NPAS2: variants seen among roughly 807,000 people sequenced by gnomAD.
The protein encoded by NPAS2 is neuronal PAS domain-containing protein 2.
In NPAS2, 23 loss-of-function variants were observed where a neutral mutation model predicts 107.5. The observed-to-expected ratio is 0.21, with a 90% CI of 0.15 to 0.30. NPAS2 has a LOEUF of 0.30. NPAS2 is among the 10% of genes least tolerant of loss of function. The probability of loss-of-function intolerance (pLI) is 1.00; values close to 1 mark genes in which losing one functional copy is unlikely to be tolerated. For synonymous variants in NPAS2, 403 were observed against 417.5 expected (o/e 0.97, Z 0.42); for missense variants, 756 against 1,043.3 (o/e 0.72, Z 3.79).
chr2:100,917,534 AT>A (rs892994269), intron 2 of NPAS2, among the ~76,000 whole-genome samples: 5 of 152,202 alleles, frequency 3.3e-5, no homozygotes, highest in African/African-American at 7.2e-5. Flanking sequence ...ATCTAAAAAA[AT>A]AATAAAAATA....
intron 17 of NPAS2, 87 bp downstream of exon 17, chr2:100,988,363 A>T: frequency 8.6e-7 from 1 of 1,163,832 alleles, no homozygotes; most frequent in African/African-American, 1.5e-5. Flanking sequence ...CCTGCAGCCT[A>T]CGTGAACTGA....
At chr2:100,935,237 C>T (rs1684223197) in intron 4 of NPAS2, 1 of 261,426 alleles carries the variant, frequency 3.8e-6, no homozygotes, top group African/African-American at 2.3e-5. Flanking sequence ...TGTGGAATTT[C>T]TGAATTTTAA....
Position 100,939,807 on chromosome 2 carries a change from A to G in NPAS2, c.363+1965A>G, listed in dbSNP as rs867122479. ...CGTGGCAGACGGGACTTAGAAAGTA[A>G]GAGGGAAATTCTTCTGACTTGAAAT... is the stretch of plus-strand genomic sequence containing the variant. On this transcript the variant is annotated intron_variant, in intron 5 of 20. Coordinates refer to ENST00000335681, the MANE Select transcript of NPAS2 (RefSeq NM_002518.4). 5.9e-5 allele frequency among the ~76,000 whole-genome samples: 9 copies of G among 152,318 alleles called. No homozygotes were observed. In the South Asian group the frequency reaches 1.2e-3, roughly 21 times the overall value.
intron 15 of NPAS2, among the ~76,000 whole-genome samples, chr2:100,980,296 A>G (rs1677356493): frequency 6.6e-6 from 1 of 152,190 alleles, no homozygotes; most frequent in Non-Finnish European, 1.5e-5. Context: ...CCGACTTCGT[A>G]GAACCTGCCA....
chr2:100,885,548 C>G (rs879762022), intron 1 of NPAS2, among the ~76,000 whole-genome samples: 45 of 152,216 alleles, frequency 3.0e-4, no homozygotes, highest in African/African-American at 9.6e-4. Context: ...TTGAAAACTT[C>G]GTGCTTTATT....
intron 11 of NPAS2, chr2:100,970,469 T>A (rs2105190961): frequency 6.5e-6 from 1 of 152,768 alleles, no homozygotes; most frequent in South Asian, 2.1e-4. Context: ...TGTGTTGAGT[T>A]GATTTACCCA....
At chr2:100,933,149 CCTG>C (rs1175247622) in intron 4 of NPAS2, 148 bp downstream of exon 4, 1 of 609,840 alleles carries the variant, frequency 1.6e-6, no homozygotes, top group Non-Finnish European at 2.9e-6. Flanking sequence ...AGGCTCTCTG[CCTG>C]CTGTTGCCTA....
At chr2:100,914,602 T>A (rs1338478702) in intron 2 of NPAS2, among the ~76,000 whole-genome samples, 1 of 152,202 alleles carries the variant, frequency 6.6e-6, no homozygotes, top group African/African-American at 2.4e-5. Context: ...CAAGAGTCTC[T>A]TATAATTACA....
At chr2:100,870,799 C>T (rs1366518390) in intron 1 of NPAS2, among the ~76,000 whole-genome samples, 1 of 152,216 alleles carries the variant, frequency 6.6e-6, no homozygotes, top group African/African-American at 2.4e-5. Flanking sequence ...GTGTGAGGGG[C>T]TGTGCATGTA....
At chr2:100,972,010 C>T (rs559345843) in intron 12 of NPAS2, among the ~76,000 whole-genome samples, 17 of 150,316 alleles carry the variant, frequency 1.1e-4, no homozygotes, top group African/African-American at 3.4e-4. Context: ...GGTGCAATCT[C>T]GATCTCGGCT....
intron 1 of NPAS2, among the ~76,000 whole-genome samples, chr2:100,892,451 G>T (rs573616642): frequency 4.6e-5 from 7 of 151,808 alleles, no homozygotes; most frequent in African/African-American, 7.3e-5. Context: ...TAGCGTTTGC[G>T]TATGGTCACG....
intron 1 of NPAS2, among the ~76,000 whole-genome samples, chr2:100,852,528 G>A (rs1187943593): frequency 1.3e-5 from 2 of 152,214 alleles, no homozygotes; most frequent in African/African-American, 2.4e-5. Context: ...TTTTACAGAT[G>A]TTTGCATCTG....
intron 3 of NPAS2, among the ~76,000 whole-genome samples, chr2:100,928,197 A>C (rs1334680702): frequency 6.6e-6 from 1 of 152,084 alleles, no homozygotes; most frequent in East Asian, 1.9e-4. Context: ...AGAACATGTT[A>C]ATTGCTTTTG....
In NPAS2 at chr2:100,953,022, A is replaced by G. The variant is rs75789264; in HGVS notation, c.598+3542A>G. On this transcript the variant is annotated intron_variant, in intron 7 of 20. Transcript: ENST00000335681. The stretch of plus-strand genomic sequence containing the variant: ...CATGTAACTGTGGAGTACGTGAAAT[A>G]TCATTCTAACTGGGATTAAAATAGC... Among the ~76,000 whole-genome samples the G allele has an allele frequency of 6.6e-3, 1,002 of 150,934 alleles. 40 individuals carry two copies. The highest frequency in any genetic ancestry group is 0.023 in the African/African-American group (922 of 40,888).
intron 2 of NPAS2, among the ~76,000 whole-genome samples, chr2:100,910,523 C>CT (rs5832943): frequency 0.38 from 51,944 of 138,340 alleles, 10,238 homozygotes; most frequent in Non-Finnish European, 0.46. Flanking sequence ...ATGACATCTT[C>CT]TTTTTTTTTT....
chr2:100,970,821 A>C, intron 11 of NPAS2, 169 bp from the exon 12 acceptor site: 1 of 518,880 alleles, frequency 1.9e-6, no homozygotes. Flanking sequence ...AAGGCAGAGA[A>C]CGACGCTCAT....
chr2:100,888,623 T>C (rs1226148952), intron 1 of NPAS2, among the ~76,000 whole-genome samples: 1 of 152,094 alleles, frequency 6.6e-6, no homozygotes, highest in East Asian at 1.9e-4. Flanking sequence ...TCTGTTAGAG[T>C]TGTTCAGGGG....
Position 100,820,998 on chromosome 2 carries a change from C to A in NPAS2, c.-23+584C>A, listed in dbSNP as rs774942265. Reference sequence around the variant, plus strand: ...GCTCCTCACGTCGCTGCCGCCCCCCCACCCCAACTCCGGAGCTCCCCAGGT... The same window carrying A: ...GCTCCTCACGTCGCTGCCGCCCCCCAACCCCAACTCCGGAGCTCCCCAGGT... On this transcript the variant is annotated intron_variant, in intron 1 of 20. Transcript: ENST00000335681. The surrounding 1 kb of genome is among the most constrained non-coding windows in gnomAD (Gnocchi z 5.6). 22 of 1,281,774 alleles carry A rather than the reference C, an allele frequency of 1.7e-5. No homozygotes were observed. The highest frequency in any genetic ancestry group is 1.9e-5 in the Non-Finnish European group (19 of 975,970). The allele number at this position is 1,281,774 out of a possible 1,614,324, so 79.4% of individuals were successfully genotyped here.
At chr2:100,978,229 C>T (rs1244602663) in intron 15 of NPAS2, among the ~76,000 whole-genome samples, 1 of 152,138 alleles carries the variant, frequency 6.6e-6, no homozygotes, top group Admixed American at 6.6e-5. Context: ...TAGTTTAGCT[C>T]CCACTTAGAA....
Sources: allele counts gnomAD v4.1 joint callset (sites outside exome capture counted in the v4.1 genomes callset), GRCh38; gene constraint gnomAD v4.1.1; non-coding constraint Gnocchi (gnomAD v3.1); transcripts MANE v1.5; gene names NCBI Gene and HGNC (gene_info 2026-07-23, HGNC 2026-07-21).